The following GPM6A variants were observed in gnomAD, a reference collection of about 807,000 sequenced individuals.
GPM6A encodes glycoprotein M6A.
GPM6A carries 7 observed loss-of-function variants against 32.1 expected under a neutral mutation model. That is an observed-to-expected ratio of 0.22 (90% confidence interval 0.12 to 0.41). The LOEUF is 0.41. Ranked by LOEUF, GPM6A falls within the 10% of genes least tolerant of loss-of-function variation. GPM6A has a pLI of 1.00. For missense variants in GPM6A, 235 were observed against 347.2 expected (o/e 0.68, Z 2.57); for synonymous variants, 130 against 123.4 (o/e 1.05, Z -0.35).
At chr4:175,756,520 T>C (rs1287553287) in intron 1 of GPM6A, among the ~76,000 whole-genome samples, 1 of 152,116 alleles carries the variant, frequency 6.6e-6, no homozygotes. Context: ...ACTTTGTTTA[T>C]GAGACTAAGG....
intron 1 of GPM6A, among the ~76,000 whole-genome samples, chr4:175,883,553 T>C (rs1264316745): frequency 1.3e-5 from 2 of 152,172 alleles, no homozygotes; most frequent in African/African-American, 2.4e-5. Context: ...TTATACTACA[T>C]ATAATTTACA....
chr4:175,722,897 A>AAAT (rs1746218184), intron 1 of GPM6A, among the ~76,000 whole-genome samples: 1 of 151,424 alleles, frequency 6.6e-6, no homozygotes, highest in Non-Finnish European at 1.5e-5. Context: ...TAAAAAAAAA[A>AAAT]AATGAGCTGG....
chr4:175,785,867 G>A (rs1223237107), intron 1 of GPM6A, among the ~76,000 whole-genome samples: 8 of 152,158 alleles, frequency 5.3e-5, no homozygotes, highest in Non-Finnish European at 5.9e-5. Context: ...TGGGCAAGGC[G>A]GATTCAATGA....
At chr4:175,922,033 A>G (rs974741311) in intron 1 of GPM6A, among the ~76,000 whole-genome samples, 1 of 152,198 alleles carries the variant, frequency 6.6e-6, no homozygotes, top group African/African-American at 2.4e-5. Flanking sequence ...TTGAAGACCA[A>G]GAGAGATGAG....
At chr4:175,975,101 C>A (rs573253500) in intron 1 of GPM6A, among the ~76,000 whole-genome samples, 21 of 152,334 alleles carry the variant, frequency 1.4e-4, no homozygotes, top group African/African-American at 4.3e-4. Flanking sequence ...TGCCTGCATT[C>A]TCTGCTCATC....
At chr4:175,838,090 AACACAC>A in intron 1 of GPM6A, among the ~76,000 whole-genome samples, 1 of 114,830 alleles carries the variant, frequency 8.7e-6, no homozygotes. Context: ...CCTTGGTTAA[AACACAC>A]ACACACACAC....
chr4:175,830,121 C>T (rs1420196763), intron 1 of GPM6A, among the ~76,000 whole-genome samples: 2 of 151,986 alleles, frequency 1.3e-5, no homozygotes, highest in Admixed American at 1.3e-4. Flanking sequence ...GAGGAAAATG[C>T]ACATGAATAT....
intron 1 of GPM6A, among the ~76,000 whole-genome samples, chr4:175,975,210 A>G (rs1277871166): frequency 2.0e-5 from 3 of 152,226 alleles, no homozygotes; most frequent in Non-Finnish European, 2.9e-5. Flanking sequence ...TGAAGCATTA[A>G]TAAGCCCCCT....
intron 1 of GPM6A, among the ~76,000 whole-genome samples, chr4:175,984,414 T>C (rs1444077072): frequency 2.0e-5 from 3 of 152,094 alleles, no homozygotes; most frequent in South Asian, 2.1e-4. Context: ...CTACCCACCT[T>C]GGCCTCCCAA....
upstream of GPM6A, among the ~76,000 whole-genome samples, chr4:175,814,762 C>T (rs1735047053): frequency 6.6e-6 from 1 of 152,174 alleles, no homozygotes; most frequent in Non-Finnish European, 1.5e-5. Context: ...TACATAGCCT[C>T]CTCACAGCAA....
At chr4:175,984,353 C>T (rs375137588) in intron 1 of GPM6A, among the ~76,000 whole-genome samples, 4 of 151,870 alleles carry the variant, frequency 2.6e-5, no homozygotes, top group Admixed American at 2.0e-4. Context: ...TTAGTAGAGA[C>T]GAGGTTTCAC....
intron 1 of GPM6A, among the ~76,000 whole-genome samples, chr4:175,836,728 G>A (rs1304016701): frequency 6.6e-6 from 1 of 152,036 alleles, no homozygotes; most frequent in Non-Finnish European, 1.5e-5. Context: ...AAATAGAAGG[G>A]AAAGTAGAAT....
intron 1 of GPM6A, among the ~76,000 whole-genome samples, chr4:175,935,691 G>C (rs907334656): frequency 1.3e-5 from 2 of 151,920 alleles, no homozygotes; most frequent in Non-Finnish European, 2.9e-5. Context: ...TGAATTCAAG[G>C]ACTCATTAAT....
At chr4:175,679,838 T>G (rs574707605) in intron 2 of GPM6A, among the ~76,000 whole-genome samples, 42 of 152,306 alleles carry the variant, frequency 2.8e-4, no homozygotes, top group Non-Finnish European at 5.6e-4. Flanking sequence ...TTCTTGTATC[T>G]TTGTGACATG....
chr4:175,760,324 G>C (rs1732689361), intron 1 of GPM6A, among the ~76,000 whole-genome samples: 1 of 152,138 alleles, frequency 6.6e-6, no homozygotes, highest in Admixed American at 6.6e-5. Context: ...GGTGTTTATG[G>C]AAATAAATAT....
intron 1 of GPM6A, among the ~76,000 whole-genome samples, chr4:175,979,008 TA>T (rs1271491685): frequency 6.6e-6 from 1 of 152,166 alleles, no homozygotes; most frequent in Non-Finnish European, 1.5e-5. Context: ...AACCTTGCTT[TA>T]AAATTCCAAT....
chr4:175,755,351 C>A (rs1363763769), intron 1 of GPM6A, among the ~76,000 whole-genome samples: 1 of 152,004 alleles, frequency 6.6e-6, no homozygotes, highest in African/African-American at 2.4e-5. Flanking sequence ...TACATGAATG[C>A]TACAGAATTA....
In GPM6A at chr4:175,936,852, G is replaced by A. The variant is rs1579643703; in HGVS notation, c.-23+65457C>T. 2.0e-5 allele frequency among the ~76,000 whole-genome samples: 3 copies of A among 151,976 alleles called. No homozygotes were observed. In the South Asian group the frequency reaches 6.2e-4, roughly 32 times the overall value. On this transcript the variant is annotated intron_variant, in intron 1 of 7. Transcript: ENST00000280187. ...ACTCTTAAAAATAAATAATAAAAAG[G>A]CAAGTAAGTAAATAATAAAATAAGG...
At chr4:175,807,687 A>G (rs1438432602) in intron 1 of GPM6A, 1 of 152,238 alleles carries the variant, frequency 6.6e-6, no homozygotes, top group Non-Finnish European at 1.5e-5. Context: ...CTGGCAAAGA[A>G]AAGAAGCCAG....
Sources: gnomAD v4.1 joint callset for allele counts (sites outside exome capture counted in the v4.1 genomes callset) on GRCh38, gnomAD v4.1.1 for gene constraint, MANE v1.5 for transcripts, NCBI Gene and HGNC (gene_info 2026-07-23, HGNC 2026-07-21) for gene names.